Variants in TUBA1C observed in about 807,000 individuals in gnomAD.
TUBA1C encodes the protein tubulin alpha-1C chain.
Under a neutral mutation model 34.9 loss-of-function variants are expected in TUBA1C, and 16 were observed. The ratio of observed to expected loss-of-function variants is 0.46; its 90% CI spans 0.31 to 0.70. The LOEUF (loss-of-function observed/expected upper bound fraction) is 0.70, where lower values mean the gene tolerates loss of function less well. TUBA1C is among the 30% of genes least tolerant of loss of function. TUBA1C has a pLI of 0.05. For synonymous variants in TUBA1C, 177 were observed against 215.9 expected, an observed-to-expected ratio of 0.82 and a Z score of 1.58; for missense variants, 329 against 587.3, an observed-to-expected ratio of 0.56 and a Z score of 4.55.
At chr12:49,260,530 A>G (rs1480535323), upstream of TUBA1C, among the ~76,000 whole-genome samples, 1 of 152,204 alleles carries the variant, frequency 6.6e-6, no homozygotes, top group Non-Finnish European at 1.5e-5. Context: ...ATCAGGGAGG[A>G]AGAGAACTTC....
At chr12:49,268,713 G>A (rs1942948715) in intron 1 of TUBA1C, among the ~76,000 whole-genome samples, 1 of 152,178 alleles carries the variant, frequency 6.6e-6, no homozygotes, top group African/African-American at 2.4e-5. Flanking sequence ...ACAGCTAACT[G>A]CTGCTTATCC....
chr12:49,256,181 A>T (rs185422979), intron 1 of TUBA1C, among the ~76,000 whole-genome samples: 274 of 152,376 alleles, frequency 1.8e-3, no homozygotes, highest in African/African-American at 6.2e-3. Context: ...ACCAAAGGCC[A>T]TGAAACCCCC....
intron 1 of TUBA1C, among the ~76,000 whole-genome samples, chr12:49,230,497 A>G (rs1438284701): frequency 6.6e-6 from 1 of 152,166 alleles, no homozygotes; most frequent in Non-Finnish European, 1.5e-5. Context: ...TGTTCTCCAG[A>G]CATTTATTCC....
chr12:49,234,882 ATC>A (rs1942535728), intron 1 of TUBA1C, among the ~76,000 whole-genome samples: 1 of 152,090 alleles, frequency 6.6e-6, no homozygotes, highest in Non-Finnish European at 1.5e-5. Flanking sequence ...CACTGGCGCG[ATC>A]TCGGCTCACT....
intron 1 of TUBA1C, 66 bp from the exon 2 acceptor site, chr12:49,269,399 T>G (rs999917865): frequency 1.2e-6 from 2 of 1,605,714 alleles, no homozygotes; most frequent in Non-Finnish European, 1.7e-6. Flanking sequence ...TCATTAGGTG[T>G]GAATCATTCC....
chr12:49,250,394 G>T (rs1298207913), intron 1 of TUBA1C, among the ~76,000 whole-genome samples: 2 of 151,274 alleles, frequency 1.3e-5, no homozygotes, highest in African/African-American at 4.9e-5. Flanking sequence ...CATGGTGGCG[G>T]GCACCTGTAG....
chr12:49,265,031 A>G, upstream of TUBA1C: 3 of 1,158,618 alleles, frequency 2.6e-6, no homozygotes, highest in South Asian at 7.3e-5. Context: ...CCCTCCCGAC[A>G]CGTGGCCGGG....
In TUBA1C at chr12:49,273,950, G is replaced by A. The variant is rs1943029373; in HGVS notation, c.*723G>A. 6.5e-6 allele frequency: 1 copy of A among 153,660 alleles called. No individual in the cohort carries two copies. Among genetic ancestry groups the A allele is most frequent in the African/African-American group, 2.4e-5 (1 of 41,438 alleles). The allele number at this position is 153,660 out of a possible 1,614,324, so 9.5% of individuals were successfully genotyped here. ...ACCAAAACAAAAATTTGCATGCTGT[G>A]ATGGCACCTGCCTATAGGTGGGAGG... On this transcript the variant is annotated 3_prime_UTR_variant, in exon 4 of 4. Transcript: ENST00000301072.
intron 1 of TUBA1C, among the ~76,000 whole-genome samples, chr12:49,246,884 T>C (rs1470827027): frequency 4.0e-5 from 6 of 151,210 alleles, no homozygotes; most frequent in Non-Finnish European, 8.9e-5. Flanking sequence ...TGGCTCACAG[T>C]GACCCAGCAC....
chr12:49,260,259 G>A (rs1942828854), upstream of TUBA1C, among the ~76,000 whole-genome samples: 1 of 152,210 alleles, frequency 6.6e-6, no homozygotes, highest in Non-Finnish European at 1.5e-5. Context: ...TGAGTAAGAA[G>A]TCTTGGGTGT....
At chr12:49,259,656 G>A (rs2137010108) in intron 1 of TUBA1C, among the ~76,000 whole-genome samples, 1 of 152,324 alleles carries the variant, frequency 6.6e-6, no homozygotes, top group East Asian at 1.9e-4. Context: ...TGAAGAAATT[G>A]CCTAGGATGC....
intron 3 of TUBA1C, among the ~76,000 whole-genome samples, chr12:49,271,082 G>T (rs1451020146): frequency 6.6e-6 from 1 of 152,154 alleles, no homozygotes. Context: ...AGCTATTTAG[G>T]GTTCTGGAAC....
chr12:49,245,887 A>G (rs1942662014), intron 1 of TUBA1C, among the ~76,000 whole-genome samples: 1 of 152,102 alleles, frequency 6.6e-6, no homozygotes, highest in Non-Finnish European at 1.5e-5. Context: ...CAGAGGGCCT[A>G]AGATTGCCAC....
In TUBA1C at chr12:49,238,861, G is replaced by A. The variant is rs182809921; in HGVS notation, c.213+10695G>A. Among the ~76,000 whole-genome samples, 3 of 152,210 alleles carry A rather than the reference G, an allele frequency of 2.0e-5. No individual in the cohort carries two copies. In the East Asian group the frequency reaches 5.8e-4, roughly 29 times the overall value. On this transcript the variant is annotated intron_variant, in intron 1 of 3. Transcript: ENST00000541364. ...GGAAGGGGCACCAAGCGTCCACGCC[G>A]TCCCTGGGCACACCACTCTCCAGGA... is the stretch of plus-strand genomic sequence containing the variant.
In TUBA1C at chr12:49,273,389, A is replaced by G; in HGVS notation, c.*162A>G. 2 of 1,316,036 alleles carry G rather than the reference A, an allele frequency of 1.5e-6. No homozygotes were observed. The highest frequency in any genetic ancestry group is 2.5e-5 in the East Asian group (1 of 40,208). 81.5% of individuals were successfully genotyped at this position (1,316,036 alleles called of 1,614,324 possible). On this transcript the variant is annotated 3_prime_UTR_variant, in exon 4 of 4. Transcript: ENST00000301072. Reference sequence around the variant, plus strand: ...TTAAAGTTGGATGTATGAGGCTGGTAGATGAAACCACCTGAGTCGAGGGTC... The same window carrying G: ...TTAAAGTTGGATGTATGAGGCTGGTGGATGAAACCACCTGAGTCGAGGGTC...
chr12:49,263,023 CTTTT>C (rs758187649), upstream of TUBA1C, among the ~76,000 whole-genome samples: 1 of 117,106 alleles, frequency 8.5e-6, no homozygotes, highest in Non-Finnish European at 1.7e-5. Context: ...GAGAATTACT[CTTTT>C]TTTTTTTTTT....
At chr12:49,231,733 T>C (rs181610230) in intron 1 of TUBA1C, among the ~76,000 whole-genome samples, 15 of 152,116 alleles carry the variant, frequency 9.9e-5, no homozygotes, top group East Asian at 7.7e-4. Context: ...GATAGATAGA[T>C]AGATGGAGTC....
At chr12:49,233,512 C>G (rs560974877) in intron 1 of TUBA1C, 9 of 152,350 alleles carry the variant, frequency 5.9e-5, no homozygotes, top group African/African-American at 2.2e-4. Context: ...ATTCCATCTC[C>G]AGGGCCTCAA....
intron 1 of TUBA1C, among the ~76,000 whole-genome samples, chr12:49,230,039 G>C (rs1942480151): frequency 6.6e-6 from 1 of 151,278 alleles, no homozygotes; most frequent in Non-Finnish European, 1.5e-5. Context: ...GCTTGCCTTG[G>C]CCTCCCAAAG....
Sources: gnomAD v4.1 joint callset for allele counts (sites outside exome capture counted in the v4.1 genomes callset) on GRCh38, gnomAD v4.1.1 for gene constraint, MANE v1.5 for transcripts, NCBI Gene and HGNC (gene_info 2026-07-23, HGNC 2026-07-21) for gene names.